RBM43: variants seen among roughly 807,000 people sequenced by gnomAD.
The protein encoded by RBM43 is RNA-binding protein 43.
A neutral mutation model predicts 12.4 loss-of-function variants in RBM43; 12 were observed. The observed-to-expected ratio is 0.97, with a 90% CI of 0.62 to 1.57. RBM43 has a LOEUF of 1.57. Among genes scored for constraint, RBM43 ranks in the 40% most tolerant of loss-of-function variants. The pLI, the probability that RBM43 is intolerant of heterozygous loss-of-function variation, is 0.00. For missense variants in RBM43, 348 were observed against 400.1 expected (o/e 0.87, Z 1.11); for synonymous variants, 138 against 145.7 (o/e 0.95, Z 0.38).
At position 151,251,608 on chromosome 2, in the gene RBM43, A is replaced by G. The variant is rs1452472592; in HGVS notation, c.372T>C (p.Thr124=). ...TCAGGTCTTTTACCAGAGTTTCTAG[A>G]GTAACTTCTTTTCCAAAAACAGAAA... The part of the protein sequence containing the change: ...LDLSVFGKEV[T]LETLVKDLKK... The change falls in exon 4 of 4, where the codon ACT becomes ACC. Residue 124 remains threonine, a synonymous_variant. Transcript: ENST00000331426. 3 of 1,613,262 alleles carry G rather than the reference A, an allele frequency of 1.9e-6. No homozygotes were observed. Among genetic ancestry groups the G allele is most frequent in the Non-Finnish European group, 2.5e-6 (3 of 1,179,774 alleles).
intron 1 of RBM43, among the ~76,000 whole-genome samples, chr2:151,257,768 G>A (rs182113835): frequency 6.6e-6 from 1 of 151,492 alleles, no homozygotes; most frequent in East Asian, 2.0e-4. Flanking sequence ...AACAAATGAA[G>A]ATTGAAAACA....
chr2:151,258,316 C>T (rs554215748), intron 1 of RBM43, among the ~76,000 whole-genome samples: 2 of 148,798 alleles, frequency 1.3e-5, no homozygotes, highest in African/African-American at 2.5e-5. Flanking sequence ...TGGACATGCA[C>T]ATAACATGCT....
At chr2:151,259,578 G>T (rs1020429412) in intron 1 of RBM43, among the ~76,000 whole-genome samples, 9 of 152,018 alleles carry the variant, frequency 5.9e-5, no homozygotes, top group African/African-American at 1.7e-4. Flanking sequence ...GGTGGAGGTT[G>T]CAGTGAGCCA....
chr2:151,250,673 A>G lies in RBM43; in HGVS notation c.*233T>C. 1 of 396,930 alleles carries G rather than the reference A, an allele frequency of 2.5e-6. No homozygotes were observed. The highest frequency in any genetic ancestry group is 4.5e-6 in the Non-Finnish European group (1 of 223,640). 24.6% of individuals were successfully genotyped at this position (396,930 alleles called of 1,614,324 possible). ...TTAGATATTATCTGTGTAATCAGAT[A>G]GACTGGGCTAAGCCACAGCCTCATT... is the stretch of plus-strand genomic sequence containing the variant. On this transcript the variant is annotated 3_prime_UTR_variant, in exon 4 of 4. Coordinates refer to ENST00000331426, the MANE Select transcript of RBM43 (RefSeq NM_198557.3).
Position 151,250,548 on chromosome 2 carries a change from G to A in RBM43, c.*358C>T, listed in dbSNP as rs6753956. The A allele has an allele frequency of 0.046, 6,904 of 149,890 alleles. 563 individuals carry two copies. The highest frequency in any genetic ancestry group is 0.17 in the African/African-American group (6,579 of 38,712). 9.3% of individuals were successfully genotyped at this position (149,890 alleles called of 1,614,324 possible). On this transcript the variant is annotated 3_prime_UTR_variant, in exon 4 of 4. Coordinates refer to ENST00000331426, the MANE Select transcript of RBM43 (RefSeq NM_198557.3). ...CAGGAGGTGGACGTTGCAGTGAGCC[G>A]AGATCACGCCACTGCACTCCAGCCT... is the stretch of plus-strand genomic sequence containing the variant.
intron 3 of RBM43, 83 bp from the exon 4 acceptor site, chr2:151,251,747 T>G (rs4665119): frequency 0.85 from 1,158,919 of 1,370,212 alleles, 494,188 homozygotes; most frequent in East Asian, 0.9. Context: ...CCACTTTCTT[T>G]TCTCTGCAGA....
At chr2:151,255,493 G>C (rs775714142) in intron 2 of RBM43, 40 bp downstream of exon 2, 45 of 1,248,980 alleles carry the variant, frequency 3.6e-5, no homozygotes, top group Non-Finnish European at 5.1e-5. Flanking sequence ...TTTTATTGAA[G>C]AAGTATTTCT....
chr2:151,258,362 A>C (rs1683001315), intron 1 of RBM43, among the ~76,000 whole-genome samples: 1 of 151,764 alleles, frequency 6.6e-6, no homozygotes, highest in Non-Finnish European at 1.5e-5. Context: ...ACAAGGAAAA[A>C]AACTTGAGGA....
rs984742434 is a variant in RBM43, at chr2:151,261,860, A to G, written c.-133T>C. 1.0e-5 allele frequency: 11 copies of G among 1,092,318 alleles called. No individual in the cohort carries two copies. The highest frequency in any genetic ancestry group is 1.6e-5 in the African/African-American group (1 of 64,128). The allele number at this position is 1,092,318 out of a possible 1,614,324, so 67.7% of individuals were successfully genotyped here. On this transcript the variant is annotated 5_prime_UTR_variant, in exon 1 of 4. Transcript: ENST00000331426. The stretch of plus-strand genomic sequence containing the variant: ...CAGCTCCCTTGGAGGCTACGAAGAA[A>G]AGGGCGGTCCTTCCACCCGATCCGG...
Position 151,251,439 on chromosome 2 carries a change from T to C in RBM43, c.541A>G (p.Thr181Ala). 6.2e-7 allele frequency: 1 copy of C among 1,614,186 alleles called. No homozygotes were observed. The highest frequency in any genetic ancestry group is 8.5e-7 in the Non-Finnish European group (1 of 1,180,002). Residue 181 changes from threonine (T) to alanine (A), a missense_variant, in exon 4 of 4, where the codon ACC becomes GCC. Thr to Ala is a moderately conservative substitution (Grantham distance 58). Transcript: ENST00000331426. ...CSLLEKDRNF[T>A]SEERKWNRQN... ...CTATTCCACTTTCTCTCCTCACTGG[T>C]AAAATTTCTGTCTTTTTCTAAGAGA...
rs1333203962 is a variant in RBM43 at position 151,251,449 on chromosome 2, G to A, written c.531C>T (p.Asp177=). Reference sequence around the variant, plus strand: ...TTCTCTCCTCACTGGTAAAATTTCTGTCTTTTTCTAAGAGAGAACATGCTC... The same window carrying A: ...TTCTCTCCTCACTGGTAAAATTTCTATCTTTTTCTAAGAGAGAACATGCTC... ...LARACSLLEK[D]RNFTSEERKW... Residue 177 remains aspartate (D), a synonymous_variant, in exon 4 of 4, where the codon GAC becomes GAT. Transcript: ENST00000331426. The A allele has an allele frequency of 1.9e-6, 3 of 1,614,058 alleles. No homozygotes were observed. The South Asian group carries it at 3.3e-5, about 18-fold the overall frequency.
intron 1 of RBM43, chr2:151,260,877 T>C (rs1396196978): frequency 1.3e-5 from 3 of 238,602 alleles, no homozygotes; most frequent in African/African-American, 6.8e-5. Context: ...TGCATCAGTA[T>C]TGTGTTATAA....
At position 151,252,833 on chromosome 2, in the gene RBM43, T is replaced by C. The variant is rs1395957582; in HGVS notation, c.237A>G (p.Gln79=). The change falls in exon 3 of 4, where the codon CAA becomes CAG. Residue 79 remains glutamine (Q), a synonymous_variant. Transcript: ENST00000331426. ...TCTTCCTTGCTAGCCAGTGTTTCTT[T>C]TGTCTGATGACATTCTCTGCAACTA... ...EKKVAENVIR[Q]KKHWLARKTR... 3.1e-6 allele frequency: 5 copies of C among 1,606,362 alleles called. No homozygotes were observed. Among genetic ancestry groups the C allele is most frequent in the Admixed American group, 1.7e-5 (1 of 59,986 alleles).
chr2:151,251,757 A>C, intron 3 of RBM43, 93 bp from the exon 4 acceptor site: 1 of 1,269,642 alleles, frequency 7.9e-7, no homozygotes, highest in Non-Finnish European at 1.1e-6. Flanking sequence ...TTCTCTGCAG[A>C]AATTGCAATA....
intron 1 of RBM43, among the ~76,000 whole-genome samples, chr2:151,260,300 AT>A (rs1162131207): frequency 1.3e-5 from 2 of 151,802 alleles, no homozygotes; most frequent in African/African-American, 2.4e-5. Context: ...TAATTTTTGT[AT>A]TTTTAGTAGA....
In RBM43 at chr2:151,261,752, C is replaced by G. The variant is rs557541102; in HGVS notation, c.-25G>C. On this transcript the variant is annotated 5_prime_UTR_variant, in exon 1 of 4. Transcript: ENST00000331426. ...TGGCGGAGGGGAGACGCGCCCTCAG[C>G]GGCCGCAGAAAGCCCACAACCAGCG... 3.5e-5 allele frequency: 56 copies of G among 1,600,712 alleles called. No homozygotes were observed. The South Asian group carries it at 5.7e-4, about 16-fold the overall frequency.
intron 3 of RBM43, 71 bp downstream of exon 3, chr2:151,252,684 T>C (rs895461950): frequency 2.5e-6 from 2 of 811,234 alleles, no homozygotes; most frequent in African/African-American, 3.4e-5. Flanking sequence ...TTGTGTCGCC[T>C]GCCATAAGAA....
chr2:151,258,766 G>T (rs1337477788), intron 1 of RBM43, among the ~76,000 whole-genome samples: 2 of 152,274 alleles, frequency 1.3e-5, no homozygotes, highest in African/African-American at 4.8e-5. Flanking sequence ...CCCAGAGCAA[G>T]TTCTCTCCCA....
rs1341132567 is a variant in RBM43 at position 151,255,605 on chromosome 2, C to T, written c.142G>A (p.Gly48Arg). 1.1e-5 allele frequency: 18 copies of T among 1,613,738 alleles called. No individual in the cohort carries two copies. Among genetic ancestry groups the T allele is most frequent in the Middle Eastern group, 1.6e-4 (1 of 6,084 alleles). Residue 48 changes from glycine to arginine, a missense_variant, in exon 2 of 4, where the codon GGA becomes AGA. Physicochemically the swap from Gly to Arg is moderately radical, Grantham distance 125. Transcript: ENST00000331426. Reference sequence around the variant, plus strand: ...GGATATATCACATCTTCAACATCTCCGCCCTCATTCTTAATGTCTTGGAAG... The same window carrying T: ...GGATATATCACATCTTCAACATCTCTGCCCTCATTCTTAATGTCTTGGAAG... Reference protein sequence around the residue: ...SHFQDIKNEGGDVEDVIYPTR... With the variant: ...SHFQDIKNEGRDVEDVIYPTR...
Sources: gnomAD v4.1 joint callset for allele counts (sites outside exome capture counted in the v4.1 genomes callset) on GRCh38, gnomAD v4.1.1 for gene constraint, MANE v1.5 for transcripts, NCBI Gene and HGNC (gene_info 2026-07-23, HGNC 2026-07-21) for gene names.